Variants in SH3TC2 observed in about 807,000 individuals in gnomAD.
SH3TC2 encodes the protein SH3 domain and tetratricopeptide repeat-containing protein 2.
In SH3TC2, 87 loss-of-function variants were observed where a neutral mutation model predicts 124.5. The observed-to-expected ratio is 0.70, with a 90% confidence interval of 0.59 to 0.84. The LOEUF (loss-of-function observed/expected upper bound fraction) is 0.84. Ranked by LOEUF, SH3TC2 falls within the 40% of genes least tolerant of loss-of-function variation. The pLI, the probability that SH3TC2 is intolerant of heterozygous loss-of-function variation, is 0.00. For missense variants in SH3TC2, 1,536 were observed against 1,566.4 expected (o/e 0.98, Z 0.33); for synonymous variants, 634 against 628.5 (o/e 1.01, Z -0.13).
chr5:149,052,223 T>C lies in SH3TC2; in HGVS notation c.70A>G (p.Lys24Glu). The change falls in exon 2 of 17, where the codon AAG becomes GAG. Residue 24 changes from lysine to glutamate, a missense_variant. Physicochemically the swap from Lys to Glu is moderately conservative, Grantham distance 56 (BLOSUM62 1). Around this residue, in one of 3 missense-constraint regions of SH3TC2, gnomAD observed 1,102 missense variants for 1,098.6 expected, o/e 1.00. Coordinates refer to ENST00000515425, the MANE Select transcript of SH3TC2 (RefSeq NM_024577.4). ...TRGPGKETPS[K>E]DPTVSSECIA... ...CACTCACTCGATACAGTTGGATCCT[T>C]GGAAGGAGTTTCTTTACCTGGAGAA... 6.2e-7 allele frequency: 1 copy of C among 1,612,596 alleles called. No individual in the cohort carries two copies. The highest frequency in any genetic ancestry group is 1.1e-5 in the South Asian group (1 of 91,040).
At chr5:149,009,702 T>C (rs1753752279) in intron 14 of SH3TC2, among the ~76,000 whole-genome samples, 1 of 152,258 alleles carries the variant, frequency 6.6e-6, no homozygotes, top group Non-Finnish European at 1.5e-5. Context: ...TTTTGACATA[T>C]CTGCTTAATA....
chr5:148,989,400 T>C lies in SH3TC2; in HGVS notation c.*15311A>G, dbSNP rs1399947275. ...AGATACTAAGCACTTTGAGACAAGA[T>C]TTGAACCTAGGTCTACCTTAACCAG... is the stretch of plus-strand genomic sequence containing the variant. On this transcript the variant is annotated 3_prime_UTR_variant, in exon 17 of 17. Coordinates refer to ENST00000515425, the MANE Select transcript of SH3TC2 (RefSeq NM_024577.4). Among the ~76,000 whole-genome samples, 1 of 152,212 alleles carries C rather than the reference T, an allele frequency of 6.6e-6. No homozygotes were observed. Among genetic ancestry groups the C allele is most frequent in the Non-Finnish European group, 1.5e-5 (1 of 68,032 alleles).
At position 148,997,751 on chromosome 5, in the gene SH3TC2, G is replaced by T. The variant is rs1753534607; in HGVS notation, c.*6960C>A. ...AGGACATGACTTCAAATTTCACCTC[G>T]ATCACCACTAACTGTGGACTTAGAC... On this transcript the variant is annotated 3_prime_UTR_variant, in exon 17 of 17. Coordinates refer to ENST00000515425, the MANE Select transcript of SH3TC2 (RefSeq NM_024577.4). 6.6e-6 allele frequency among the ~76,000 whole-genome samples: 1 copy of T among 152,186 alleles called. No individual in the cohort carries two copies. Among genetic ancestry groups the T allele is most frequent in the South Asian group, 2.1e-4 (1 of 4,812 alleles).
Position 149,030,916 on chromosome 5 carries a change from T to TTCAG in SH3TC2, c.1135+634_1135+637dup, listed in dbSNP as rs111400089. ...TTTCTCAAAGTAAGAGTATCATTCA[T>TTCAG]TCAGTCAGTCAGTCCTTCAGACACT... is the stretch of plus-strand genomic sequence containing the variant. On this transcript the variant is annotated intron_variant, in intron 9 of 16. Coordinates refer to ENST00000515425, the MANE Select transcript of SH3TC2 (RefSeq NM_024577.4). 4.9e-3 allele frequency among the ~76,000 whole-genome samples: 743 copies of TTCAG among 151,814 alleles called. 3 individuals are homozygous for TTCAG. The highest frequency in any genetic ancestry group is 0.017 in the African/African-American group (712 of 41,070).
intron 3 of SH3TC2, 119 bp from the exon 4 acceptor site, chr5:149,044,757 C>CA: frequency 1.4e-6 from 1 of 730,486 alleles, no homozygotes; most frequent in African/African-American, 1.8e-5. Context: ...TTTACGTCAC[C>CA]AAAAAATGGA....
intron 12 of SH3TC2, among the ~76,000 whole-genome samples, chr5:149,020,045 G>A (rs1219656623): frequency 2.0e-5 from 3 of 151,330 alleles, no homozygotes; most frequent in Non-Finnish European, 2.9e-5. Flanking sequence ...AAAATAATTA[G>A]TAGCAATTGT....
intron 12 of SH3TC2, among the ~76,000 whole-genome samples, chr5:149,025,041 TCC>T (rs1754040608): frequency 6.6e-6 from 1 of 152,176 alleles, no homozygotes; most frequent in Admixed American, 6.5e-5. Context: ...ATCCAACTTT[TCC>T]AGAGCCCAGT....
At position 149,027,249 on chromosome 5, in the gene SH3TC2, T is replaced by A. The variant is rs1754082949; in HGVS notation, c.2483A>T (p.Glu828Val). Reference protein sequence around the residue: ...VLEPLLCSLKETESLTQRGVI... With the variant: ...VLEPLLCSLKVTESLTQRGVI... ...TCCCCTTTGAGTGAGACTCTCTGTCTCCTTCAGGGAGCATAGCAGTGGCTC... is the reference window on the plus strand; with the variant it reads ...TCCCCTTTGAGTGAGACTCTCTGTCACCTTCAGGGAGCATAGCAGTGGCTC... Residue 828 changes from glutamate (E) to valine (V), a missense_variant, in exon 11 of 17, where the codon GAG becomes GTG. This residue lies in a region of SH3TC2 where 1,102 missense variants were observed against 1,098.6 expected (regional missense o/e 1.00). Transcript: ENST00000515425. 1 of 1,614,180 alleles carries A rather than the reference T, an allele frequency of 6.2e-7. No homozygotes were observed. The highest frequency in any genetic ancestry group is 1.1e-5 in the South Asian group (1 of 91,090).
rs1291467678 is a variant in SH3TC2 at position 148,983,886 on chromosome 5, G to T, written c.*20825C>A. Among the ~76,000 whole-genome samples the T allele has an allele frequency of 6.6e-6, 1 of 152,130 alleles. No individual in the cohort carries two copies. The highest frequency in any genetic ancestry group is 1.5e-5 in the Non-Finnish European group (1 of 68,026). Reference sequence around the variant, plus strand: ...CTGCATGAAGCTTAGGAATGAACAGGGAAAGCACATCCAAGAGATGGTGAC... The same window carrying T: ...CTGCATGAAGCTTAGGAATGAACAGTGAAAGCACATCCAAGAGATGGTGAC... On this transcript the variant is annotated 3_prime_UTR_variant, in exon 17 of 17. Transcript: ENST00000515425.
intron 16 of SH3TC2, 92 bp from the exon 17 acceptor site, chr5:149,004,994 T>C (rs964087759): frequency 1.7e-6 from 2 of 1,208,606 alleles, no homozygotes; most frequent in African/African-American, 3.1e-5. Flanking sequence ...CTAGTTTTTT[T>C]TGTTTGTTTG....
chr5:149,024,981 G>C (rs1448764611), intron 12 of SH3TC2, among the ~76,000 whole-genome samples: 1 of 152,188 alleles, frequency 6.6e-6, no homozygotes, highest in Admixed American at 6.5e-5. Context: ...AGTAGCCAGA[G>C]GTGCCAATAG....
intron 3 of SH3TC2, chr5:149,046,654 C>G (rs1754468647): frequency 6.6e-6 from 1 of 152,178 alleles, no homozygotes; most frequent in African/African-American, 2.4e-5. Flanking sequence ...TCAGATCTAG[C>G]TGACTCCAGG....
rs1753699032 is a variant in SH3TC2 at position 149,006,905 on chromosome 5, G to T, written c.3651C>A (p.Gly1217=). The stretch of plus-strand genomic sequence containing the variant: ...CCTTCAGCTGGCAGAAGGTGAGTCT[G>T]CCCAGGCGATAATACACCTTGGCAT... ...LYYAKVYYRL[G]RLTFCQLKDA... is the part of the protein sequence containing the mutation. Residue 1217 remains glycine, a synonymous_variant, in exon 16 of 17, where the codon GGC becomes GGA. Coordinates refer to ENST00000515425, the MANE Select transcript of SH3TC2 (RefSeq NM_024577.4). The T allele has an allele frequency of 9.3e-6, 15 of 1,613,954 alleles. No homozygotes were observed. The highest frequency in any genetic ancestry group is 1.2e-5 in the Non-Finnish European group (14 of 1,179,998).
Position 149,003,531 on chromosome 5 carries a change from A to T in SH3TC2, c.*1180T>A, listed in dbSNP as rs1753630870. On this transcript the variant is annotated 3_prime_UTR_variant, in exon 17 of 17. Transcript: ENST00000515425. ...GTTGAGATAACTGCAGCCCCAGCTG[A>T]TTGCAGCCTGTGAACCACCCTAAGC... is the stretch of plus-strand genomic sequence containing the variant. 1 of 158,116 alleles carries T rather than the reference A, an allele frequency of 6.3e-6. No homozygotes were observed. Among genetic ancestry groups the T allele is most frequent in the African/African-American group, 2.4e-5 (1 of 41,522 alleles). 9.8% of individuals were successfully genotyped at this position (158,116 alleles called of 1,614,324 possible).
chr5:149,012,638 C>G lies in SH3TC2; in HGVS notation c.3150G>C (p.Ala1050=). Residue 1050 remains alanine, a synonymous_variant, in exon 13 of 17, where the codon GCG becomes GCC. Transcript: ENST00000515425. ...TDKAAEAWLG[A]GRLHYLMQED... The stretch of plus-strand genomic sequence containing the variant: ...CCTGCATGAGGTAGTGGAGTCGCCC[C>G]GCCCCAAGCCAGGCCTCAGCAGCCT... 1 of 1,614,136 alleles carries G rather than the reference C, an allele frequency of 6.2e-7. No homozygotes were observed. The highest frequency in any genetic ancestry group is 8.5e-7 in the Non-Finnish European group (1 of 1,180,030).
intron 3 of SH3TC2, chr5:149,045,977 G>T (rs1245450609): frequency 2.3e-6 from 1 of 431,112 alleles, no homozygotes; most frequent in Non-Finnish European, 4.6e-6. Context: ...AAAAAAGCAG[G>T]TCTGAATCAC....
At chr5:149,013,572 G>A (rs192811388) in intron 12 of SH3TC2, among the ~76,000 whole-genome samples, 59 of 152,250 alleles carry the variant, frequency 3.9e-4, no homozygotes, top group African/African-American at 1.0e-3. Flanking sequence ...TTAAATCATC[G>A]AAAAGATTTT....
rs1753659409 is a variant in SH3TC2 at position 149,004,872 on chromosome 5, G to C, written c.3706C>G (p.Leu1236Val). 2 of 1,614,104 alleles carry C rather than the reference G, an allele frequency of 1.2e-6. No individual in the cohort carries two copies. Among genetic ancestry groups the C allele is most frequent in the Admixed American group, 1.7e-5 (1 of 60,008 alleles). Residue 1236 changes from leucine (L) to valine (V), a missense_variant, in exon 17 of 17, where the codon CTG (leucine) becomes GTG (valine). By Grantham distance (32) the Leu-to-Val change is conservative (BLOSUM62 1). Transcript: ENST00000515425. ...AGCAGGACCGCTGCTGCCAGGGCCA[G>C]AAGGAAGTACTCAGTGGCATCATGG... The part of the protein sequence containing the change: ...DAHDATEYFL[L>V]ALAAAVLLGD...
intron 1 of SH3TC2, among the ~76,000 whole-genome samples, chr5:149,058,407 T>C (rs938825169): frequency 1.4e-4 from 22 of 152,198 alleles, no homozygotes; most frequent in African/African-American, 5.1e-4. Flanking sequence ...GGCCATTTTA[T>C]CTGATTGTTT....
Sources: gnomAD v4.1 joint callset for allele counts (sites outside exome capture counted in the v4.1 genomes callset) on GRCh38, gnomAD v4.1.1 for gene constraint, gnomAD v4.1.1 regional missense constraint, MANE v1.5 for transcripts, NCBI Gene and HGNC (gene_info 2026-07-23, HGNC 2026-07-21) for gene names.